Variants in SEC24C observed in about 807,000 individuals in gnomAD.
SEC24C encodes the protein protein transport protein Sec24C.
A neutral mutation model predicts 117.0 loss-of-function variants in SEC24C; 22 were observed. The observed-to-expected ratio is 0.19, with a 90% confidence interval of 0.13 to 0.27. SEC24C has a LOEUF of 0.27. Among genes scored for constraint, SEC24C ranks in the 10% least tolerant of loss-of-function variants. The probability of loss-of-function intolerance (pLI) is 1.00; values close to 1 mark genes in which losing one functional copy is unlikely to be tolerated. For synonymous variants in SEC24C, 506 were observed against 529.4 expected (o/e 0.96, Z 0.61); for missense variants, 1,155 against 1,375.1 (o/e 0.84, Z 2.53).
chr10:73,768,597 A>G (rs917632326), intron 15 of SEC24C, among the ~76,000 whole-genome samples: 2 of 152,232 alleles, frequency 1.3e-5, no homozygotes, highest in African/African-American at 4.8e-5. Context: ...GGATTTGTCA[A>G]CAGAATTAAA....
rs1343227226 is a variant in SEC24C at position 73,769,127 on chromosome 10, A to G, written c.2399A>G (p.Asn800Ser). Residue 800 changes from asparagine to serine, a missense_variant, in exon 17 of 23, where the codon AAT becomes AGT. Physicochemically the swap from Asn to Ser is conservative, Grantham distance 46. Around this residue, in one of 2 missense-constraint regions of SEC24C, gnomAD observed 759 missense variants for 992.3 expected, o/e 0.76. Transcript: ENST00000345254. This position sits in a 1 kb window ranked among gnomAD's most constrained non-coding sequence, Gnocchi z 4.5. ...GAGTTCAAGCATGACGATCGGCTCAATGAAGAGAGCGGAGCTCTCCTGCAG... is the reference window on the plus strand; with the variant it reads ...GAGTTCAAGCATGACGATCGGCTCAGTGAAGAGAGCGGAGCTCTCCTGCAG... ...TVEFKHDDRL[N>S]EESGALLQCA... is the part of the protein sequence containing the mutation. 1.3e-5 allele frequency: 21 copies of G among 1,614,096 alleles called. No homozygotes were observed. The highest frequency in any genetic ancestry group is 1.7e-5 in the Non-Finnish European group (20 of 1,180,040).
intron 3 of SEC24C, among the ~76,000 whole-genome samples, chr10:73,756,843 C>T (rs1215019339): frequency 4.6e-5 from 7 of 151,112 alleles, no homozygotes; most frequent in African/African-American, 1.7e-4. Context: ...AGTGATTCAC[C>T]TGTGTTGGCC....
intron 2 of SEC24C, 113 bp from the exon 3 acceptor site, chr10:73,750,995 G>A: frequency 9.0e-7 from 1 of 1,114,658 alleles, no homozygotes. Context: ...TGCCTAAACT[G>A]TGGTATTGGG....
At chr10:73,766,613 C>A in intron 12 of SEC24C, 72 bp downstream of exon 12, 1 of 1,513,168 alleles carries the variant, frequency 6.6e-7, no homozygotes, top group South Asian at 1.2e-5. Flanking sequence ...TGGAGTTGAA[C>A]AGAGGTATTG....
At chr10:73,754,329 C>T (rs756011587) in intron 3 of SEC24C, among the ~76,000 whole-genome samples, 8 of 152,002 alleles carry the variant, frequency 5.3e-5, no homozygotes, top group Non-Finnish European at 8.8e-5. Flanking sequence ...GCAGGAGAAT[C>T]GCTTGAACCC....
chr10:73,749,017 A>G lies in SEC24C; in HGVS notation c.172+2013A>G, dbSNP rs182479071. On this transcript the variant is annotated intron_variant, in intron 2 of 22. Coordinates refer to ENST00000345254, the MANE Select transcript of SEC24C (RefSeq NM_198597.3). Reference sequence around the variant, plus strand: ...CTCGGCCTCTCAAAGTGCTAGGATTACAAACGTAAGCCACCACGCCCAGCT... The same window carrying G: ...CTCGGCCTCTCAAAGTGCTAGGATTGCAAACGTAAGCCACCACGCCCAGCT... 1.2e-4 allele frequency among the ~76,000 whole-genome samples: 19 copies of G among 152,364 alleles called. No homozygotes were observed. In the East Asian group the frequency reaches 3.7e-3, roughly 29 times the overall value.
intron 1 of SEC24C, among the ~76,000 whole-genome samples, chr10:73,744,902 A>G (rs1410199670): frequency 6.6e-6 from 1 of 151,940 alleles, no homozygotes; most frequent in African/African-American, 2.4e-5. Flanking sequence ...TGAGGGGATT[A>G]TTTTCTGGAG....
intron 8 of SEC24C, among the ~76,000 whole-genome samples, chr10:73,765,234 G>A (rs919071888): frequency 6.6e-5 from 10 of 152,216 alleles, no homozygotes; most frequent in African/African-American, 2.4e-4. Flanking sequence ...GCAGCTCTGG[G>A]GGTGGGATGT....
Position 73,766,757 on chromosome 10 carries a change from T to C in SEC24C, c.1800-3T>C. On this transcript the variant is annotated splice_polypyrimidine_tract_variant and splice_region_variant and intron_variant, in intron 12 of 22. Transcript: ENST00000345254. Reference sequence around the variant, plus strand: ...GGTTGTTTTCCGTCACCTATCTCTTTAGCTTATTGGATCAGATTCCAGAAA... The same window carrying C: ...GGTTGTTTTCCGTCACCTATCTCTTCAGCTTATTGGATCAGATTCCAGAAA... 4 of 1,613,728 alleles carry C rather than the reference T, an allele frequency of 2.5e-6. No individual in the cohort carries two copies. The highest frequency in any genetic ancestry group is 1.7e-6 in the Non-Finnish European group (2 of 1,179,636).
At chr10:73,761,506 C>T (rs574303053) in intron 6 of SEC24C, among the ~76,000 whole-genome samples, 2 of 152,296 alleles carry the variant, frequency 1.3e-5, no homozygotes, top group Admixed American at 1.3e-4. Context: ...GACTGTACTG[C>T]CAAGTAGGGG....
chr10:73,763,739 G>A (rs1412404690), intron 7 of SEC24C, 117 bp from the exon 8 acceptor site: 1 of 1,125,534 alleles, frequency 8.9e-7, no homozygotes, highest in African/African-American at 1.7e-5. Flanking sequence ...GTCCCTCTGG[G>A]GGAAAAAGCC....
chr10:73,760,130 G>A lies in SEC24C; in HGVS notation c.594G>A (p.Gly198=), dbSNP rs766811088. The A allele has an allele frequency of 6.2e-7, 1 of 1,614,104 alleles. No individual in the cohort carries two copies. The highest frequency in any genetic ancestry group is 8.5e-7 in the Non-Finnish European group (1 of 1,179,984). The change falls in exon 5 of 23, where the codon GGG becomes GGA. Residue 198 remains glycine, a synonymous_variant. Coordinates refer to ENST00000345254, the MANE Select transcript of SEC24C (RefSeq NM_198597.3). Reference sequence around the variant, plus strand: ...TTAGCCAGGCCCAAGGTCATCCTGGGATCCAGACTCCCCAGCGATCTGCCC... The same window carrying A: ...TTAGCCAGGCCCAAGGTCATCCTGGAATCCAGACTCCCCAGCGATCTGCCC... ...PPLSQAQGHP[G]IQTPQRSAPS...
At chr10:73,762,908 A>G (rs1031537719) in intron 6 of SEC24C, among the ~76,000 whole-genome samples, 2 of 152,164 alleles carry the variant, frequency 1.3e-5, no homozygotes, top group Non-Finnish European at 2.9e-5. Flanking sequence ...CCTCCTATAT[A>G]TACACATTGA....
intron 14 of SEC24C, 110 bp from the exon 15 acceptor site, chr10:73,767,718 TGGAAGTAGA>T: frequency 1.3e-6 from 1 of 744,554 alleles, no homozygotes; most frequent in Admixed American, 3.0e-5. Flanking sequence ...GGAAAATCCT[TGGAAGTAGA>T]TCTGAAGTCT....
chr10:73,749,527 CCTTTT>C (rs1199301017), intron 2 of SEC24C, among the ~76,000 whole-genome samples: 5 of 151,370 alleles, frequency 3.3e-5, no homozygotes, highest in African/African-American at 9.7e-5. Context: ...TTTAACCTTA[CCTTTT>C]CTTTTTCTTT....
intron 2 of SEC24C, among the ~76,000 whole-genome samples, chr10:73,749,547 T>TC (rs1192432880): frequency 7.3e-5 from 11 of 150,820 alleles, no homozygotes; most frequent in Admixed American, 4.0e-4. Flanking sequence ...TTCTTTTTTT[T>TC]TTTTTTTCTT....
intron 3 of SEC24C, 82 bp from the exon 4 acceptor site, chr10:73,759,540 T>A: frequency 9.2e-7 from 1 of 1,089,856 alleles, no homozygotes; most frequent in Non-Finnish European, 1.2e-6. Flanking sequence ...ACAATGTAGC[T>A]TCCTGTATGA....
chr10:73,757,615 G>C (rs537844029), intron 3 of SEC24C, among the ~76,000 whole-genome samples: 7 of 151,868 alleles, frequency 4.6e-5, no homozygotes, highest in African/African-American at 1.7e-4. Context: ...GGGCTGGAAG[G>C]GATTATCGGA....
rs974068015 is a variant in SEC24C, at chr10:73,772,026, G to T, written c.*931G>T. On this transcript the variant is annotated 3_prime_UTR_variant, in exon 23 of 23. Coordinates refer to ENST00000345254, the MANE Select transcript of SEC24C (RefSeq NM_198597.3). ...CCAACTGGCTTGGGGGCAGGACAAG[G>T]GCTAGGCTTGATGGTGGCCAGGCTT... 8 of 318,314 alleles carry T rather than the reference G, an allele frequency of 2.5e-5. No individual in the cohort carries two copies. The highest frequency in any genetic ancestry group is 1.5e-4 in the African/African-American group (7 of 46,992). The allele number at this position is 318,314 out of a possible 1,614,324, so 19.7% of individuals were successfully genotyped here.
Sources: gnomAD v4.1 joint callset for allele counts (sites outside exome capture counted in the v4.1 genomes callset) on GRCh38, gnomAD v4.1.1 for gene constraint, gnomAD v4.1.1 regional missense constraint, Gnocchi (gnomAD v3.1) non-coding constraint, MANE v1.5 for transcripts, NCBI Gene and HGNC (gene_info 2026-07-23, HGNC 2026-07-21) for gene names.